SP3: variants seen among roughly 807,000 people sequenced by gnomAD.
SP3 encodes Sp3 transcription factor.
A neutral mutation model predicts 70.3 loss-of-function variants in SP3; 10 were observed. The observed-to-expected ratio is 0.14, with a 90% CI of 0.09 to 0.24. The LOEUF (loss-of-function observed/expected upper bound fraction) is 0.24. SP3 is among the 10% of genes least tolerant of loss of function. SP3 has a pLI of 1.00. For missense variants in SP3, 825 were observed against 914.6 expected, an observed-to-expected ratio of 0.90 and a Z score of 1.26; for synonymous variants, 402 against 333.5, an observed-to-expected ratio of 1.21 and a Z score of -2.24.
At chr2:173,913,004 A>C in intron 6 of SP3, 66 bp downstream of exon 6, 1 of 1,234,414 alleles carries the variant, frequency 8.1e-7, no homozygotes, top group Non-Finnish European at 1.1e-6. Context: ...GCTAATAAAA[A>C]AGAAGTCAAG....
chr2:173,933,231 T>A (rs1347400931), intron 4 of SP3, among the ~76,000 whole-genome samples: 1 of 125,326 alleles, frequency 8.0e-6, no homozygotes, highest in Non-Finnish European at 1.8e-5. Flanking sequence ...TAATACAAAT[T>A]ATTCATGAAA....
intron 4 of SP3, 143 bp from the exon 5 acceptor site, chr2:173,918,928 C>T: frequency 1.6e-6 from 1 of 644,352 alleles, no homozygotes; most frequent in East Asian, 2.8e-5. Context: ...TTATTTTGTT[C>T]CTCATCTAAC....
chr2:173,964,290 T>TGGAGGGGAGGGGAGAGACGAGGAG (rs1691200080), intron 2 of SP3, 115 bp downstream of exon 2: 1 of 290,294 alleles, frequency 3.4e-6, no homozygotes, highest in African/African-American at 6.4e-5. Context: ...GGGAGGGGAG[T>TGGAGGGGAGGGGAGAGACGAGGAG]GGAGGGGAGG....
rs960103928 is a variant in SP3 at position 173,909,542 on chromosome 2, A to AT, written c.*398dup. 6.3e-6 allele frequency: 1 copy of AT among 158,004 alleles called. No homozygotes were observed. Among genetic ancestry groups the AT allele is most frequent in the East Asian group, 1.9e-4 (1 of 5,260 alleles). The allele number at this position is 158,004 out of a possible 1,614,324, so 9.8% of individuals were successfully genotyped here. On this transcript the variant is annotated 3_prime_UTR_variant, in exon 7 of 7. Coordinates refer to ENST00000310015, the MANE Select transcript of SP3 (RefSeq NM_003111.5). ...TTCCAGTCATCAAGAAAATTACAAA[A>AT]TTTTTTATCATAACATGATTTCTTT...
chr2:173,909,928 A>T lies in SP3; in HGVS notation c.*13T>A. 1 of 1,600,484 alleles carries T rather than the reference A, an allele frequency of 6.2e-7. No individual in the cohort carries two copies. Among genetic ancestry groups the T allele is most frequent in the Non-Finnish European group, 8.6e-7 (1 of 1,168,018 alleles). The stretch of plus-strand genomic sequence containing the variant: ...ATAAAAATAACCACAATGAATAAGT[A>T]TTTGTGTAATATTTACTCCATTGTC... On this transcript the variant is annotated 3_prime_UTR_variant, in exon 7 of 7. Transcript: ENST00000310015.
intron 1 of SP3, 101 bp downstream of exon 1, chr2:173,965,064 C>G (rs1253277710): frequency 1.4e-6 from 2 of 1,470,618 alleles, no homozygotes; most frequent in Non-Finnish European, 1.8e-6. Flanking sequence ...CTCGGTCGCA[C>G]ACACGGGGCC....
chr2:173,912,980 G>T, intron 6 of SP3, 90 bp downstream of exon 6: 3 of 935,954 alleles, frequency 3.2e-6, no homozygotes, highest in Non-Finnish European at 4.5e-6. Context: ...AATCGATTCA[G>T]TTCAGTAAGG....
chr2:173,926,737 T>TGCATATTGCATATTGC (rs1689920646), intron 4 of SP3, among the ~76,000 whole-genome samples: 1 of 152,186 alleles, frequency 6.6e-6, no homozygotes, highest in African/African-American at 2.4e-5. Flanking sequence ...TTAATTCTAT[T>TGCATATTGCATATTGC]AACTAAGTCA....
At chr2:173,930,353 G>A (rs6733612) in intron 4 of SP3, among the ~76,000 whole-genome samples, 11,964 of 152,126 alleles carry the variant, frequency 0.079, 590 homozygotes, top group African/African-American at 0.13. Context: ...GATTGCTTGA[G>A]CCCAGGAATT....
intron 4 of SP3, among the ~76,000 whole-genome samples, chr2:173,939,822 A>G (rs1690313420): frequency 6.6e-6 from 1 of 151,480 alleles, no homozygotes; most frequent in African/African-American, 2.4e-5. Context: ...AAGATTAAAA[A>G]TGTAAAAATT....
intron 4 of SP3, among the ~76,000 whole-genome samples, chr2:173,935,028 T>TA (rs1453879882): frequency 6.6e-6 from 1 of 152,216 alleles, no homozygotes; most frequent in Non-Finnish European, 1.5e-5. Flanking sequence ...AGTGTACTGA[T>TA]ATGTCGACTG....
At chr2:173,918,487 A>T (rs1356163081) in intron 5 of SP3, 106 bp downstream of exon 5, 3 of 1,163,792 alleles carry the variant, frequency 2.6e-6, no homozygotes, top group Non-Finnish European at 3.6e-6. Flanking sequence ...ACCAAAAATG[A>T]TCATGTAATA....
chr2:173,964,809 C>G (rs1237014903), intron 1 of SP3: 2 of 469,466 alleles, frequency 4.3e-6, no homozygotes, highest in African/African-American at 4.2e-5. Context: ...CCCCTGCCCC[C>G]TCTCCTCTCC....
At chr2:173,953,463 A>G (rs1690778719) in intron 4 of SP3, among the ~76,000 whole-genome samples, 1 of 152,028 alleles carries the variant, frequency 6.6e-6, no homozygotes, top group Non-Finnish European at 1.5e-5. Context: ...CTGTAATCCC[A>G]GAACTTTGGG....
At position 173,961,982 on chromosome 2, in the gene SP3, A is replaced by G. The variant is rs552113475; in HGVS notation, c.279+1779T>C. ...TTTTAGGCAAAACTATTTTCATTTT[A>G]CTATGATTGGCAAATTATGATGTAT... On this transcript the variant is annotated intron_variant, in intron 3 of 6. Transcript: ENST00000310015. Among the ~76,000 whole-genome samples the G allele has an allele frequency of 7.5e-5, 7 of 93,480 alleles. No homozygotes were observed. In the East Asian group the frequency reaches 1.6e-3, roughly 21 times the overall value. 61.3% of individuals were successfully genotyped at this position (93,480 alleles called of 152,430 possible).
intron 4 of SP3, among the ~76,000 whole-genome samples, chr2:173,946,105 TGAC>T (rs1259278223): frequency 1.3e-5 from 2 of 151,880 alleles, no homozygotes; most frequent in Admixed American, 1.3e-4. Context: ...CCAGCCTGGG[TGAC>T]AGAGCAAGAT....
chr2:173,930,753 A>G (rs1292411656), intron 4 of SP3, among the ~76,000 whole-genome samples: 1 of 152,198 alleles, frequency 6.6e-6, no homozygotes, highest in Non-Finnish European at 1.5e-5. Context: ...CCACAGTTGA[A>G]GTTTTTTGTT....
chr2:173,929,523 T>TA (rs1013095757), intron 4 of SP3, among the ~76,000 whole-genome samples: 5 of 152,032 alleles, frequency 3.3e-5, no homozygotes, highest in Non-Finnish European at 5.9e-5. Flanking sequence ...TGACAGAATA[T>TA]AAAAAATGCT....
chr2:173,946,267 T>C (rs1690532227), intron 4 of SP3, among the ~76,000 whole-genome samples: 1 of 152,174 alleles, frequency 6.6e-6, no homozygotes, highest in Admixed American at 6.6e-5. Context: ...TATATTGTTT[T>C]TGTGTACTTT....
Sources: allele counts gnomAD v4.1 joint callset (sites outside exome capture counted in the v4.1 genomes callset), GRCh38; gene constraint gnomAD v4.1.1; transcripts MANE v1.5; gene names NCBI Gene and HGNC (gene_info 2026-07-23, HGNC 2026-07-21).